MLIP: variants seen among roughly 807,000 people sequenced by gnomAD.
The protein encoded by MLIP is muscular LMNA interacting protein, also known as muscular LMNA-interacting protein.
In MLIP, 79 loss-of-function variants were observed where a neutral mutation model predicts 84.8. The ratio of observed to expected loss-of-function variants is 0.93; its 90% CI spans 0.78 to 1.12. The LOEUF is 1.12. Among genes scored for constraint, MLIP ranks in the 50% most tolerant of loss-of-function variants. The pLI is 0.00. For synonymous variants in MLIP, 504 were observed against 463.0 expected (o/e 1.09, Z -1.14); for missense variants, 1,257 against 1,160.6 (o/e 1.08, Z -1.21).
chr6:54,091,923 A>G (rs1188996702), intron 1 of MLIP, among the ~76,000 whole-genome samples: 1 of 152,152 alleles, frequency 6.6e-6, no homozygotes, highest in Admixed American at 6.5e-5. Context: ...TCATTTCTCT[A>G]TTCAACAAGA....
At chr6:54,026,184 C>T (rs957897729) in intron 1 of MLIP, among the ~76,000 whole-genome samples, 10 of 151,922 alleles carry the variant, frequency 6.6e-5, no homozygotes, top group African/African-American at 1.9e-4. Context: ...AAGACATTTC[C>T]GAGATGTCAA....
At chr6:54,030,239 C>T (rs985366141) in intron 1 of MLIP, among the ~76,000 whole-genome samples, 2 of 152,094 alleles carry the variant, frequency 1.3e-5, no homozygotes, top group Non-Finnish European at 2.9e-5. Flanking sequence ...AAGATCCTGC[C>T]TATTCTGAAA....
chr6:54,095,376 C>T (rs1360235290), intron 1 of MLIP, among the ~76,000 whole-genome samples: 1 of 152,024 alleles, frequency 6.6e-6, no homozygotes. Context: ...CTCAGCTAAC[C>T]CACCTTAGAC....
chr6:54,036,389 A>G (rs189554376), intron 1 of MLIP, among the ~76,000 whole-genome samples: 127 of 152,092 alleles, frequency 8.4e-4, no homozygotes, highest in African/African-American at 2.9e-3. Flanking sequence ...ACTCCCAGTC[A>G]CCAGTGTATT....
chr6:54,240,933 G>A (rs928763647), intron 12 of MLIP, among the ~76,000 whole-genome samples: 3 of 151,948 alleles, frequency 2.0e-5, no homozygotes, highest in African/African-American at 4.8e-5. Context: ...CCCAAATCGC[G>A]CCACTGCACT....
At chr6:54,026,819 G>A (rs1763831175) in intron 1 of MLIP, among the ~76,000 whole-genome samples, 1 of 152,104 alleles carries the variant, frequency 6.6e-6, no homozygotes, top group Non-Finnish European at 1.5e-5. Context: ...TGAGGAGCAT[G>A]TTAGATCTGA....
intron 4 of MLIP, among the ~76,000 whole-genome samples, chr6:54,140,204 C>G (rs779288725): frequency 3.9e-4 from 59 of 152,196 alleles, no homozygotes; most frequent in African/African-American, 1.2e-3. Context: ...AGTGATTTCA[C>G]TCTAGAAGCT....
chr6:54,214,564 T>C (rs889378918), intron 11 of MLIP, among the ~76,000 whole-genome samples: 3 of 152,214 alleles, frequency 2.0e-5, no homozygotes, highest in African/African-American at 7.2e-5. Flanking sequence ...ATTCTTACTC[T>C]GATTAATTAT....
At chr6:54,039,082 A>G (rs1764602950) in intron 1 of MLIP, among the ~76,000 whole-genome samples, 1 of 151,944 alleles carries the variant, frequency 6.6e-6, no homozygotes, top group African/African-American at 2.4e-5. Context: ...TAAGATTGCC[A>G]TCCTTTTGAT....
Position 54,137,637 on chromosome 6 carries a change from T to C in MLIP, c.1568T>C (p.Val523Ala), listed in dbSNP as rs541594700. The change falls in exon 4 of 14, where the codon GTA (valine) becomes GCA (alanine). Residue 523 changes from valine (V) to alanine (A), a missense_variant. By Grantham distance (64) the Val-to-Ala change is moderately conservative (BLOSUM62 0). Coordinates refer to ENST00000502396, the MANE Select transcript of MLIP (RefSeq NM_001281747.2). ...AGTAGCAGCCTTGCTTCCATGAATGTAGAGAGAACACCATCACCTACTTTG... is the reference window on the plus strand; with the variant it reads ...AGTAGCAGCCTTGCTTCCATGAATGCAGAGAGAACACCATCACCTACTTTG... ...QASSSLASMNVERTPSPTLKS... is the reference protein window; with the variant it reads ...QASSSLASMNAERTPSPTLKS... The C allele has an allele frequency of 2.1e-4, 319 of 1,536,086 alleles. No individual in the cohort carries two copies. The highest frequency in any genetic ancestry group is 1.7e-5 in the Non-Finnish European group (20 of 1,146,872).
chr6:54,203,953 C>T (rs1207623610), intron 11 of MLIP: 1 of 152,196 alleles, frequency 6.6e-6, no homozygotes, highest in Non-Finnish European at 1.5e-5. Flanking sequence ...CCTTTAAACA[C>T]TAAAATTTGC....
At chr6:54,192,916 TACCAC>T in intron 10 of MLIP, among the ~76,000 whole-genome samples, 1 of 152,224 alleles carries the variant, frequency 6.6e-6, no homozygotes, top group African/African-American at 2.4e-5. Flanking sequence ...AGTGCTATGG[TACCAC>T]AAGCTTAATG....
At chr6:54,200,467 TAGG>T (rs1156972657) in intron 10 of MLIP, among the ~76,000 whole-genome samples, 1 of 151,714 alleles carries the variant, frequency 6.6e-6, no homozygotes, top group African/African-American at 2.4e-5. Flanking sequence ...AGTGCAGGAA[TAGG>T]AGAAGAAGAA....
chr6:54,222,158 C>G (rs1328392045), intron 11 of MLIP, among the ~76,000 whole-genome samples: 1 of 152,036 alleles, frequency 6.6e-6, no homozygotes, highest in Admixed American at 6.6e-5. Flanking sequence ...TCACCACAAT[C>G]AAGCTAGCAT....
Position 54,151,537 on chromosome 6 carries a change from C to T in MLIP, c.2289+2410C>T, listed in dbSNP as rs76273453. On this transcript the variant is annotated intron_variant, in intron 5 of 13. Coordinates refer to ENST00000502396, the MANE Select transcript of MLIP (RefSeq NM_001281747.2). ...ATAAAAATCTTGCAATATTTTAAATCACAGAAGGTTTTCTGAGATCCCTTT... is the reference window on the plus strand; with the variant it reads ...ATAAAAATCTTGCAATATTTTAAATTACAGAAGGTTTTCTGAGATCCCTTT... 2.4e-3 allele frequency among the ~76,000 whole-genome samples: 368 copies of T among 152,198 alleles called. 1 individual carries two copies. The highest frequency in any genetic ancestry group is 8.3e-3 in the African/African-American group (344 of 41,548).
At chr6:54,230,007 C>A (rs924667240) in intron 11 of MLIP, among the ~76,000 whole-genome samples, 12 of 152,152 alleles carry the variant, frequency 7.9e-5, no homozygotes, top group Non-Finnish European at 5.9e-5. Flanking sequence ...GTAGTTCCTA[C>A]TTCCTCAAAG....
intron 11 of MLIP, among the ~76,000 whole-genome samples, chr6:54,230,453 C>A (rs895049122): frequency 1.3e-5 from 2 of 152,104 alleles, no homozygotes; most frequent in Non-Finnish European, 2.9e-5. Flanking sequence ...CAAAAATAAA[C>A]CTGGTACCCT....
At chr6:54,120,188 T>G (rs1235276415) in intron 1 of MLIP, among the ~76,000 whole-genome samples, 1 of 152,234 alleles carries the variant, frequency 6.6e-6, no homozygotes, top group Non-Finnish European at 1.5e-5. Context: ...AGTCCTCAAC[T>G]TATGCTTTTG....
intron 5 of MLIP, among the ~76,000 whole-genome samples, chr6:54,150,969 A>G (rs1773378413): frequency 6.6e-6 from 1 of 152,194 alleles, no homozygotes; most frequent in African/African-American, 2.4e-5. Flanking sequence ...TTTAAATAAA[A>G]CATTCTGTAG....
Sources: gnomAD v4.1 joint callset for allele counts (sites outside exome capture counted in the v4.1 genomes callset) on GRCh38, gnomAD v4.1.1 for gene constraint, MANE v1.5 for transcripts, NCBI Gene and HGNC (gene_info 2026-07-23, HGNC 2026-07-21) for gene names.